Variants in NGLY1 observed in about 807,000 individuals in gnomAD.
The protein encoded by NGLY1 is peptide-N(4)-(N-acetyl-beta-glucosaminyl)asparagine amidase.
In NGLY1, 68 loss-of-function variants were observed where a neutral mutation model predicts 84.6. The ratio of observed to expected loss-of-function variants is 0.80; its 90% CI spans 0.66 to 0.98. The LOEUF (loss-of-function observed/expected upper bound fraction) is 0.98, where lower values mean the gene tolerates loss of function less well. Ranked by LOEUF, NGLY1 falls within the 50% of genes least tolerant of loss-of-function variation. The pLI is 0.00. For synonymous variants in NGLY1, 280 were observed against 275.2 expected, an observed-to-expected ratio of 1.02 and a Z score of -0.17; for missense variants, 779 against 770.2, an observed-to-expected ratio of 1.01 and a Z score of -0.14.
At chr3:25,778,922 A>AT (rs1708277566) in intron 1 of NGLY1, among the ~76,000 whole-genome samples, 2 of 101,876 alleles carry the variant, frequency 2.0e-5, no homozygotes, top group Admixed American at 1.1e-4. Flanking sequence ...TTTAAGATAC[A>AT]TTCTTTTTTT....
chr3:25,757,295 A>T (rs1158426543), intron 3 of NGLY1, among the ~76,000 whole-genome samples: 5 of 152,178 alleles, frequency 3.3e-5, no homozygotes, highest in African/African-American at 1.2e-4. Flanking sequence ...TCAGGGAGGA[A>T]GCAAGTCAAA....
At chr3:25,747,637 AC>A (rs1706506360) in intron 4 of NGLY1, among the ~76,000 whole-genome samples, 2 of 152,226 alleles carry the variant, frequency 1.3e-5, no homozygotes, top group Admixed American at 6.5e-5. Flanking sequence ...AGAGGTCAAT[AC>A]TCTCACCTTT....
At chr3:25,719,867 C>CTGTT in intron 11 of NGLY1, 147 bp downstream of exon 11, 1 of 726,406 alleles carries the variant, frequency 1.4e-6, no homozygotes, top group Non-Finnish European at 2.1e-6. Context: ...AATGGGATCA[C>CTGTT]ACAGGGTTTA....
At chr3:25,730,344 T>C (rs1441764490) in intron 9 of NGLY1, 2 of 152,178 alleles carry the variant, frequency 1.3e-5, no homozygotes, top group East Asian at 3.9e-4. Context: ...AAGGAAAAAA[T>C]GATTTCTTTT....
intron 7 of NGLY1, chr3:25,734,828 G>C (rs892357461): frequency 1.1e-6 from 1 of 943,500 alleles, no homozygotes; most frequent in African/African-American, 1.8e-5. Context: ...TGATAAAAAA[G>C]TGAAAATTTC....
In NGLY1 at chr3:25,729,331, G is replaced by A. The variant is rs767706125; in HGVS notation, c.1426-13C>T. 91 of 1,338,682 alleles carry A rather than the reference G, an allele frequency of 6.8e-5. No homozygotes were observed. Among genetic ancestry groups the A allele is most frequent in the Non-Finnish European group, 8.0e-5 (82 of 1,026,984 alleles). 82.9% of individuals were successfully genotyped at this position (1,338,682 alleles called of 1,614,324 possible). A position where few individuals can be genotyped will look rare whatever the true frequency, so the allele number is the denominator to read the frequency against. ...AGGTTTCTTTTCTCTTAAAAAGAAA[G>A]CAGAATTAGTTTTTCAACATTATGA... On this transcript the variant is annotated splice_polypyrimidine_tract_variant and intron_variant, in intron 9 of 11. Coordinates refer to ENST00000280700, the MANE Select transcript of NGLY1 (RefSeq NM_018297.4).
chr3:25,735,678 T>C (rs1559534979), intron 7 of NGLY1: 1 of 183,056 alleles, frequency 5.5e-6, no homozygotes, highest in East Asian at 1.4e-4. Flanking sequence ...ATTCTACTCC[T>C]AGGCATTAAG....
intron 9 of NGLY1, 101 bp downstream of exon 9, chr3:25,732,218 C>A: frequency 1.0e-6 from 1 of 1,002,526 alleles, no homozygotes; most frequent in Non-Finnish European, 1.4e-6. Context: ...CTCAAGTTAA[C>A]TGAAAGGTCA....
In NGLY1 at chr3:25,751,190, G is replaced by C. The variant is rs1160026836; in HGVS notation, c.566C>G (p.Ala189Gly). The C allele has an allele frequency of 1.9e-6, 3 of 1,613,370 alleles. No homozygotes were observed. The highest frequency in any genetic ancestry group is 2.5e-6 in the Non-Finnish European group (3 of 1,179,800). ...IQHVLVYENP[A>G]LQEKALACIP... ...ACAAGCCAACGCTTTCTCCTGAAGA[G>C]CAGGATTTTCATAGACCAGCACATG... Residue 189 changes from alanine (A) to glycine (G), a missense_variant, in exon 4 of 12, where the codon GCT becomes GGT. Coordinates refer to ENST00000280700, the MANE Select transcript of NGLY1 (RefSeq NM_018297.4).
In NGLY1 at chr3:25,719,629, CTG is replaced by C; in HGVS notation, c.1794_1795del (p.Asn598LysfsTer7). 6.2e-7 allele frequency: 1 copy of C among 1,610,778 alleles called. No homozygotes were observed. Among genetic ancestry groups the C allele is most frequent in the Non-Finnish European group, 8.5e-7 (1 of 1,178,266 alleles). On this transcript the variant is annotated frameshift_variant, in exon 12 of 12. Coordinates refer to ENST00000280700, the MANE Select transcript of NGLY1 (RefSeq NM_018297.4). LOFTEE classifies it high-confidence loss of function. The stretch of plus-strand genomic sequence containing the variant: ...AGAAAAATCAGCATAGGAGTGAAGA[CTG>C]TTATCTGTTAGAGGGAAAAAAAAAA...
chr3:25,755,391 C>A, intron 3 of NGLY1: 1 of 1,381,772 alleles, frequency 7.2e-7, no homozygotes, highest in South Asian at 1.2e-5. Context: ...AAACCTACCA[C>A]TCCTACTATA....
upstream of NGLY1, chr3:25,783,643 A>G (rs1708532622): frequency 3.8e-6 from 1 of 263,190 alleles, no homozygotes; most frequent in Non-Finnish European, 6.4e-6. This position sits in a 1 kb window ranked among gnomAD's most constrained non-coding sequence, Gnocchi z 4.5. Flanking sequence ...CGGGGCCAGG[A>G]GCGGGGGAGC....
Position 25,719,644 on chromosome 3 carries a change from G to C in NGLY1, c.1790-9C>G, listed in dbSNP as rs774257264. 1.3e-6 allele frequency: 2 copies of C among 1,588,742 alleles called. No individual in the cohort carries two copies. The highest frequency in any genetic ancestry group is 8.6e-7 in the Non-Finnish European group (1 of 1,168,388). On this transcript the variant is annotated splice_polypyrimidine_tract_variant and intron_variant, in intron 11 of 11. Coordinates refer to ENST00000280700, the MANE Select transcript of NGLY1 (RefSeq NM_018297.4). ...GGAGTGAAGACTGTTATCTGTTAGAGGGAAAAAAAAAATTAACATTTTGCT... is the reference window on the plus strand; with the variant it reads ...GGAGTGAAGACTGTTATCTGTTAGACGGAAAAAAAAAATTAACATTTTGCT...
chr3:25,761,414 T>G (rs1243712543), intron 3 of NGLY1, among the ~76,000 whole-genome samples: 1 of 152,220 alleles, frequency 6.6e-6, no homozygotes, highest in Admixed American at 6.5e-5. Flanking sequence ...TATCAGAAAG[T>G]TACTTCCATT....
rs150652318 is a variant in NGLY1, at chr3:25,724,543, C to T, written c.1612-4352G>A. Among the ~76,000 whole-genome samples the T allele has an allele frequency of 9.3e-4, 142 of 152,228 alleles. 4 individuals are homozygous for T. The East Asian group carries it at 0.024, about 26-fold the overall frequency. On this transcript the variant is annotated intron_variant, in intron 10 of 11. Transcript: ENST00000280700. Reference sequence around the variant, plus strand: ...GATTTCCATGTATACTTCCAATTTACTCCATTTGTAATAGGAAACTTTCAT... The same window carrying T: ...GATTTCCATGTATACTTCCAATTTATTCCATTTGTAATAGGAAACTTTCAT...
At chr3:25,747,908 A>G (rs1706520215) in intron 4 of NGLY1, among the ~76,000 whole-genome samples, 1 of 152,180 alleles carries the variant, frequency 6.6e-6, no homozygotes, top group African/African-American at 2.4e-5. Context: ...AGAGGTCCCC[A>G]CACTTCTGTG....
intron 1 of NGLY1, among the ~76,000 whole-genome samples, chr3:25,779,604 T>G (rs1023127361): frequency 6.6e-6 from 1 of 152,032 alleles, no homozygotes; most frequent in Non-Finnish European, 1.5e-5. Flanking sequence ...CCACCTGCCC[T>G]GGGGTATGAT....
chr3:25,745,052 C>A (rs113472961), intron 4 of NGLY1, among the ~76,000 whole-genome samples: 41 of 152,224 alleles, frequency 2.7e-4, no homozygotes, highest in African/African-American at 9.6e-4. Flanking sequence ...CCTACCATAC[C>A]ACTTATTTCA....
chr3:25,789,808 T>A, intron 1 of NGLY1: 2 of 1,540,130 alleles, frequency 1.3e-6, no homozygotes, highest in Non-Finnish European at 1.8e-6. Flanking sequence ...AGGGAATATT[T>A]GGGCATTATC....
Sources: gnomAD v4.1 joint callset for allele counts (sites outside exome capture counted in the v4.1 genomes callset) on GRCh38, gnomAD v4.1.1 for gene constraint, Gnocchi (gnomAD v3.1) non-coding constraint, MANE v1.5 for transcripts, NCBI Gene and HGNC (gene_info 2026-07-23, HGNC 2026-07-21) for gene names.